The following MXD4 variants were observed in gnomAD, a reference collection of about 807,000 sequenced individuals.
MXD4 encodes MAX dimerization protein 4, also known as Mad4 homolog.
In MXD4, 16 loss-of-function variants were observed where a neutral mutation model predicts 24.5. The ratio of observed to expected loss-of-function variants is 0.65; its 90% CI spans 0.44 to 0.99. The LOEUF is 0.99. MXD4 is among the 50% of genes least tolerant of loss of function. The pLI is 0.00. For synonymous variants in MXD4, 164 were observed against 134.2 expected (o/e 1.22, Z -1.54); for missense variants, 301 against 301.5 (o/e 1.00, Z 0.01).
rs1486332339 is a variant in MXD4, at chr4:2,249,404, C to T, written c.*1140G>A. 8 of 152,016 alleles carry T rather than the reference C, an allele frequency of 5.3e-5. No homozygotes were observed. The highest frequency in any genetic ancestry group is 1.9e-4 in the African/African-American group (8 of 41,336). The allele number at this position is 152,016 out of a possible 1,614,324, so 9.4% of individuals were successfully genotyped here. On this transcript the variant is annotated 3_prime_UTR_variant, in exon 6 of 6. Transcript: ENST00000337190. ...AGGAAACAGAGGCGGCACACACGGACGTCCCTAGGCCGAGAGTCTTTAGGC... is the reference window on the plus strand; with the variant it reads ...AGGAAACAGAGGCGGCACACACGGATGTCCCTAGGCCGAGAGTCTTTAGGC...
At chr4:2,261,650 G>T in intron 2 of MXD4, 75 bp downstream of exon 2, 1 of 902,554 alleles carries the variant, frequency 1.1e-6, no homozygotes, top group Non-Finnish European at 1.4e-6. Flanking sequence ...CGGGAATCGG[G>T]GCCCGGAGAG....
intron 5 of MXD4, 70 bp downstream of exon 5, chr4:2,251,014 T>C (rs1577817081): frequency 6.9e-7 from 1 of 1,445,896 alleles, no homozygotes; most frequent in Non-Finnish European, 9.1e-7. Context: ...GCACCTCCTC[T>C]CCACCCAGGG....
In MXD4 at chr4:2,250,677, A is replaced by G; in HGVS notation, c.497T>C (p.Phe166Ser). Reference protein sequence around the residue: ...EQEVDIEGMEFGPGELDSVGS... With the variant: ...EQEVDIEGMESGPGELDSVGS... ...AACACTGTCCAGCTCACCAGGGCCA[A>G]ACTCCATGCCCTCTATGTCCACTTC... Residue 166 changes from phenylalanine to serine, a missense_variant, in exon 6 of 6, where the codon TTT becomes TCT. Coordinates refer to ENST00000337190, the MANE Select transcript of MXD4 (RefSeq NM_006454.3). The G allele has an allele frequency of 1.9e-6, 3 of 1,613,700 alleles. No individual in the cohort carries two copies. The highest frequency in any genetic ancestry group is 2.5e-6 in the Non-Finnish European group (3 of 1,179,942).
rs1408597193 is a variant in MXD4 at position 2,250,710 on chromosome 4, A to G, written c.473-9T>C. On this transcript the variant is annotated splice_polypyrimidine_tract_variant and intron_variant, in intron 5 of 5. Transcript: ENST00000337190. Reference sequence around the variant, plus strand: ...GCCCTCTATGTCCACTTCTAGGGAGAATAGAGTGGGGATGGGGTCAGGCCA... The same window carrying G: ...GCCCTCTATGTCCACTTCTAGGGAGGATAGAGTGGGGATGGGGTCAGGCCA... 1.2e-6 allele frequency: 2 copies of G among 1,611,192 alleles called. No homozygotes were observed. Among genetic ancestry groups the G allele is most frequent in the East Asian group, 2.2e-5 (1 of 44,844 alleles).
At chr4:2,258,241 C>T (rs919535072) in intron 2 of MXD4, among the ~76,000 whole-genome samples, 4 of 152,114 alleles carry the variant, frequency 2.6e-5, no homozygotes, top group East Asian at 1.9e-4. Context: ...TACTCCGTGC[C>T]GGGGGAGCCG....
rs970701903 is a variant in MXD4 at position 2,262,062 on chromosome 4, CCG to C, written c.-84_-83del. On this transcript the variant is annotated 5_prime_UTR_variant, in exon 1 of 6. Coordinates refer to ENST00000337190, the MANE Select transcript of MXD4 (RefSeq NM_006454.3). Reference sequence around the variant, plus strand: ...CGGCCGGCTCCGCTCGCCGCCCACCCCGCGCGCCCGGCCGCCGCACTTCCAGA... The same window carrying C: ...CGGCCGGCTCCGCTCGCCGCCCACCCCGCGCCCGGCCGCCGCACTTCCAGA... 1.3e-4 allele frequency: 100 copies of C among 783,002 alleles called. No individual in the cohort carries two copies. The African/African-American group carries it at 1.6e-3, about 13-fold the overall frequency. The allele number at this position is 783,002 out of a possible 1,614,324, so 48.5% of individuals were successfully genotyped here. A position where few individuals can be genotyped will look rare whatever the true frequency, so the allele number is the denominator to read the frequency against.
chr4:2,260,561 C>T (rs1288286016), intron 2 of MXD4: 1 of 455,564 alleles, frequency 2.2e-6, no homozygotes, highest in East Asian at 7.0e-5. Context: ...CGGGCTTGCT[C>T]ACTGAGGAGG....
intron 3 of MXD4, among the ~76,000 whole-genome samples, chr4:2,256,359 C>A (rs115689696): frequency 0.013 from 2,028 of 152,322 alleles, 39 homozygotes; most frequent in African/African-American, 0.046. Flanking sequence ...CAGGGGAAGT[C>A]CCACAGGCCC....
intron 2 of MXD4, among the ~76,000 whole-genome samples, chr4:2,261,400 T>C (rs1237431374): frequency 6.6e-6 from 1 of 152,108 alleles, no homozygotes; most frequent in African/African-American, 2.4e-5. Flanking sequence ...CTGACAACTT[T>C]TCTACCGCCT....
At position 2,248,536 on chromosome 4, in the gene MXD4, G is replaced by C. The variant is rs898824209; in HGVS notation, c.*2008C>G. The stretch of plus-strand genomic sequence containing the variant: ...GCCACGGTGTTTGAAATGAAGCCTG[G>C]GGGGACAGACTCAGGCAGGCAGGGG... On this transcript the variant is annotated 3_prime_UTR_variant, in exon 6 of 6. Coordinates refer to ENST00000337190, the MANE Select transcript of MXD4 (RefSeq NM_006454.3). 2 of 152,608 alleles carry C rather than the reference G, an allele frequency of 1.3e-5. No homozygotes were observed. The highest frequency in any genetic ancestry group is 1.3e-4 in the Admixed American group (2 of 15,292). 9.5% of individuals were successfully genotyped at this position (152,608 alleles called of 1,614,324 possible). A position where few individuals can be genotyped will look rare whatever the true frequency, so the allele number is the denominator to read the frequency against.
chr4:2,259,002 G>A (rs750813645), intron 2 of MXD4: 21 of 454,864 alleles, frequency 4.6e-5, no homozygotes, highest in Non-Finnish European at 6.2e-5. Context: ...GCCACCTTCC[G>A]TGTCCAGGCA....
rs145476984 is a variant in MXD4, at chr4:2,257,912, G to A, written c.194+70C>T. ...TGCCCGGGACAGGGGCAGGCTCAACGCACCACACACCCTCAGTAAAAGGGT... is the reference window on the plus strand; with the variant it reads ...TGCCCGGGACAGGGGCAGGCTCAACACACCACACACCCTCAGTAAAAGGGT... On this transcript the variant is annotated intron_variant, in intron 3 of 5. Transcript: ENST00000337190. 624 of 1,595,436 alleles carry A rather than the reference G, an allele frequency of 3.9e-4. 5 individuals carry two copies. In the African/African-American group the frequency reaches 6.1e-3, roughly 16 times the overall value.
chr4:2,255,463 A>C (rs1735407398), intron 3 of MXD4: 15 of 450,958 alleles, frequency 3.3e-5, no homozygotes, highest in South Asian at 2.3e-4. Flanking sequence ...AGGCCACAGA[A>C]ATTCCTGCCC....
intron 3 of MXD4, chr4:2,255,220 C>T (rs1161331786): frequency 1.2e-5 from 5 of 430,816 alleles, no homozygotes; most frequent in South Asian, 6.6e-5. Context: ...TTATCCAAGT[C>T]TCATCGGCAA....
intron 4 of MXD4, among the ~76,000 whole-genome samples, chr4:2,251,997 C>T (rs1416423347): frequency 1.3e-5 from 2 of 152,154 alleles, no homozygotes; most frequent in Admixed American, 1.3e-4. Context: ...GCACCCCCAT[C>T]AGGCTGCCTA....
chr4:2,257,390 C>T (rs1170159641), intron 3 of MXD4, among the ~76,000 whole-genome samples: 1 of 152,146 alleles, frequency 6.6e-6, no homozygotes, highest in Non-Finnish European at 1.5e-5. Flanking sequence ...TCACCCAGGG[C>T]TCCCGCTGCC....
Position 2,257,418 on chromosome 4 carries a change from G to T in MXD4, c.194+564C>A, listed in dbSNP as rs548237089. Reference sequence around the variant, plus strand: ...CCGCTGCCAGCCCCTAGGCCCCTGAGCTCACCTGCACCTCATCCCCACCAG... The same window carrying T: ...CCGCTGCCAGCCCCTAGGCCCCTGATCTCACCTGCACCTCATCCCCACCAG... On this transcript the variant is annotated intron_variant, in intron 3 of 5. Transcript: ENST00000337190. Among the ~76,000 whole-genome samples the T allele has an allele frequency of 1.6e-3, 242 of 152,272 alleles. 2 individuals carry two copies. The highest frequency in any genetic ancestry group is 2.6e-3 in the Non-Finnish European group (175 of 67,986).
chr4:2,255,569 A>G (rs768368939), intron 3 of MXD4, among the ~76,000 whole-genome samples: 13 of 151,870 alleles, frequency 8.6e-5, no homozygotes, highest in Non-Finnish European at 1.3e-4. Flanking sequence ...GAAGCCCCTC[A>G]GCCCGGGGCT....
chr4:2,261,663 C>G (rs1382569928), intron 2 of MXD4, 62 bp downstream of exon 2: 1 of 1,021,238 alleles, frequency 9.8e-7, no homozygotes, highest in African/African-American at 1.8e-5. Flanking sequence ...CCGGAGAGCA[C>G]GCTCCGGGCG....
Sources: allele counts gnomAD v4.1 joint callset (sites outside exome capture counted in the v4.1 genomes callset), GRCh38; gene constraint gnomAD v4.1.1; transcripts MANE v1.5; gene names NCBI Gene and HGNC (gene_info 2026-07-23, HGNC 2026-07-21).